The following OPCML variants were observed in gnomAD, a reference collection of about 807,000 sequenced individuals.
OPCML encodes opioid binding protein/cell adhesion molecule like, also known as opioid-binding protein/cell adhesion molecule.
In OPCML, 13 loss-of-function variants were observed where a neutral mutation model predicts 37.8. The ratio of observed to expected loss-of-function variants is 0.34; its 90% CI spans 0.22 to 0.55. OPCML has a LOEUF of 0.55. Ranked by LOEUF, OPCML falls within the 20% of genes least tolerant of loss-of-function variation. The probability of loss-of-function intolerance (pLI) is 0.91; values close to 1 mark genes in which losing one functional copy is unlikely to be tolerated. For synonymous variants in OPCML, 176 were observed against 168.8 expected, an observed-to-expected ratio of 1.04 and a Z score of -0.33; for missense variants, 341 against 435.6, an observed-to-expected ratio of 0.78 and a Z score of 1.93.
At chr11:133,115,983 T>TA (rs1949327485) in intron 1 of OPCML, among the ~76,000 whole-genome samples, 2 of 150,496 alleles carry the variant, frequency 1.3e-5, no homozygotes, top group Non-Finnish European at 3.0e-5. Context: ...TATATATATA[T>TA]TTTTGAGACG....
At chr11:133,047,636 C>T (rs1233595742) in intron 1 of OPCML, among the ~76,000 whole-genome samples, 1 of 152,112 alleles carries the variant, frequency 6.6e-6, no homozygotes, top group Non-Finnish European at 1.5e-5. Flanking sequence ...GGGTCACTGT[C>T]CATCCATCAC....
chr11:132,750,425 C>T (rs1484077121), intron 2 of OPCML, among the ~76,000 whole-genome samples: 2 of 152,098 alleles, frequency 1.3e-5, no homozygotes, highest in Non-Finnish European at 2.9e-5. Context: ...CAGGTGGAGG[C>T]TCAATCTATA....
At chr11:132,424,792 T>A (rs1021800310) in intron 7 of OPCML, among the ~76,000 whole-genome samples, 1 of 152,214 alleles carries the variant, frequency 6.6e-6, no homozygotes, top group African/African-American at 2.4e-5. Flanking sequence ...AGTCATGTGA[T>A]CATGGCAACT....
At position 132,449,869 on chromosome 11, in the gene OPCML, T is replaced by C. The variant is rs956802414; in HGVS notation, c.506-12510A>G. Among the ~76,000 whole-genome samples, 3 of 152,206 alleles carry C rather than the reference T, an allele frequency of 2.0e-5. No individual in the cohort carries two copies. The South Asian group carries it at 6.2e-4, about 31-fold the overall frequency. On this transcript the variant is annotated intron_variant, in intron 4 of 7. Coordinates refer to ENST00000524381, the MANE Select transcript of OPCML (RefSeq NM_001012393.5). ...CACTGCTCTTTCCTGGCTCTTTTCA[T>C]GAGGGTCTTTCTGGACCAGAAGATA...
intron 2 of OPCML, among the ~76,000 whole-genome samples, chr11:132,757,829 T>C (rs903036221): frequency 6.6e-5 from 10 of 152,256 alleles, no homozygotes; most frequent in Admixed American, 2.0e-4. Context: ...ATTTTGACTT[T>C]TGTTGCCACT....
At chr11:133,451,961 C>G (rs924351788) in intron 1 of OPCML, among the ~76,000 whole-genome samples, 2 of 151,358 alleles carry the variant, frequency 1.3e-5, no homozygotes, top group Admixed American at 6.6e-5. Flanking sequence ...TGCTGCCCAC[C>G]ACAGAGAACA....
At chr11:132,984,914 C>G (rs916486952) in intron 1 of OPCML, among the ~76,000 whole-genome samples, 6 of 152,152 alleles carry the variant, frequency 3.9e-5, no homozygotes, top group Non-Finnish European at 8.8e-5. Flanking sequence ...AACAAATTCG[C>G]TCACAGGCTC....
At chr11:132,642,446 A>G (rs1478928168) in intron 3 of OPCML, among the ~76,000 whole-genome samples, 1 of 152,232 alleles carries the variant, frequency 6.6e-6, no homozygotes, top group Non-Finnish European at 1.5e-5. Flanking sequence ...ACACACACAC[A>G]TGTTCACATG....
At position 132,524,646 on chromosome 11, in the gene OPCML, C is replaced by T. The variant is rs2137266771; in HGVS notation, c.505+4415G>A. On this transcript the variant is annotated intron_variant, in intron 4 of 7. Coordinates refer to ENST00000524381, the MANE Select transcript of OPCML (RefSeq NM_001012393.5). The stretch of plus-strand genomic sequence containing the variant: ...CAACACTTAATCATGATCCTGGTAA[C>T]ATCCAGCTTTCCTCAAAAGTGAGGC... Among the ~76,000 whole-genome samples the T allele has an allele frequency of 2.0e-5, 3 of 152,284 alleles. No homozygotes were observed. In the Middle Eastern group the frequency reaches 0.01, roughly 518 times the overall value.
At chr11:132,721,992 G>A (rs1944689548) in intron 2 of OPCML, among the ~76,000 whole-genome samples, 1 of 100,910 alleles carries the variant, frequency 9.9e-6, no homozygotes, top group African/African-American at 4.0e-5. Context: ...GTCTTGCTCT[G>A]TTGCCCAGGC....
At position 133,189,587 on chromosome 11, in the gene OPCML, A is replaced by C. The variant is rs1938221577; in HGVS notation, c.62-246577T>G. On this transcript the variant is annotated intron_variant, in intron 1 of 7. Transcript: ENST00000524381. ...CCATCTCTCATCTTGTTTAGAAATA[A>C]GAGTCCTTCAGGAGATCCTAGCATA... Among the ~76,000 whole-genome samples the C allele has an allele frequency of 2.0e-5, 3 of 152,238 alleles. No homozygotes were observed. In the South Asian group the frequency reaches 6.2e-4, roughly 32 times the overall value.
intron 2 of OPCML, among the ~76,000 whole-genome samples, chr11:132,736,086 C>T (rs1158423855): frequency 6.6e-6 from 1 of 152,136 alleles, no homozygotes; most frequent in African/African-American, 2.4e-5. Context: ...ACCAGCAACT[C>T]CTATGTATAT....
chr11:132,656,270 A>T (rs1421207930), intron 3 of OPCML, among the ~76,000 whole-genome samples: 2 of 152,148 alleles, frequency 1.3e-5, no homozygotes, highest in African/African-American at 2.4e-5. Flanking sequence ...ATGGTTCTCA[A>T]ATTCTTGGAA....
At chr11:132,566,751 A>G (rs1403348475) in intron 3 of OPCML, among the ~76,000 whole-genome samples, 1 of 152,202 alleles carries the variant, frequency 6.6e-6, no homozygotes, top group Non-Finnish European at 1.5e-5. Context: ...CTATAAAAGC[A>G]CAGTGGAGAA....
chr11:133,499,658 A>G (rs575288575), intron 1 of OPCML, among the ~76,000 whole-genome samples: 2 of 151,736 alleles, frequency 1.3e-5, no homozygotes, highest in Admixed American at 1.3e-4. Context: ...AGGGTCACCC[A>G]CCTGCTGCCT....
chr11:132,711,113 G>T (rs1944248163), intron 2 of OPCML, among the ~76,000 whole-genome samples: 1 of 152,144 alleles, frequency 6.6e-6, no homozygotes, highest in Non-Finnish European at 1.5e-5. Flanking sequence ...AGCCCCAAAT[G>T]CCATCTGAAC....
intron 1 of OPCML, among the ~76,000 whole-genome samples, chr11:133,378,095 G>C (rs545699818): frequency 6.6e-6 from 1 of 152,232 alleles, no homozygotes; most frequent in South Asian, 2.1e-4. Context: ...CTTTTTATGC[G>C]TCAGGCGTTT....
chr11:133,007,488 GA>G, intron 1 of OPCML: 1 of 985,440 alleles, frequency 1.0e-6, no homozygotes, highest in Non-Finnish European at 1.2e-6. Flanking sequence ...ATTTGTTAAT[GA>G]ACCTGTCCTT....
At chr11:133,001,783 T>C (rs1403178890) in intron 1 of OPCML, among the ~76,000 whole-genome samples, 1 of 152,210 alleles carries the variant, frequency 6.6e-6, no homozygotes, top group East Asian at 1.9e-4. Flanking sequence ...TATTGACCCC[T>C]TTCTCTCAGC....
Sources: allele counts gnomAD v4.1 joint callset (sites outside exome capture counted in the v4.1 genomes callset), GRCh38; gene constraint gnomAD v4.1.1; transcripts MANE v1.5; gene names NCBI Gene and HGNC (gene_info 2026-07-23, HGNC 2026-07-21).